ENGASE: variants seen among roughly 807,000 people sequenced by gnomAD.
ENGASE encodes cytosolic endo-beta-N-acetylglucosaminidase.
In ENGASE, 69 loss-of-function variants were observed where a neutral mutation model predicts 78.5. The observed-to-expected ratio is 0.88, with a 90% CI of 0.72 to 1.07. The LOEUF is 1.07. Ranked by LOEUF, ENGASE falls within the 50% of genes least tolerant of loss-of-function variation. ENGASE has a pLI of 0.00. For missense variants in ENGASE, 943 were observed against 988.4 expected, an observed-to-expected ratio of 0.95 and a Z score of 0.62; for synonymous variants, 408 against 408.9, an observed-to-expected ratio of 1.00 and a Z score of 0.03.
At position 79,083,972 on chromosome 17, in the gene ENGASE, G is replaced by T; in HGVS notation, c.1442+21G>T. The T allele has an allele frequency of 6.2e-7, 1 of 1,601,714 alleles. No homozygotes were observed. On this transcript the variant is annotated intron_variant, in intron 10 of 13. Transcript: ENST00000579016. This position sits in a 1 kb window ranked among gnomAD's most constrained non-coding sequence, Gnocchi z 4.9. The stretch of plus-strand genomic sequence containing the variant: ...GTGAGGTGGGTGAGTGACGGAGGAC[G>T]GTGGGCCCACCAGCTTCTCCCATCA...
Position 79,080,985 on chromosome 17 carries a change from C to G in ENGASE, c.784C>G (p.Gln262Glu). The change falls in exon 6 of 14, where the codon CAG (glutamine) becomes GAG (glutamate). Residue 262 changes from glutamine to glutamate, a missense_variant. Gln to Glu is a conservative substitution (Grantham distance 29). Transcript: ENST00000579016. ...LRYLTTQLHR[Q>E]VPGGLVLWYD... is the part of the protein sequence containing the mutation. The stretch of plus-strand genomic sequence containing the variant: ...GTACCTCACCACACAGCTGCACCGG[C>G]AGGTCCCAGGGGGCCTGGTGCTCTG... 1 of 1,613,328 alleles carries G rather than the reference C, an allele frequency of 6.2e-7. No individual in the cohort carries two copies. The highest frequency in any genetic ancestry group is 8.5e-7 in the Non-Finnish European group (1 of 1,179,982).
At chr17:79,076,767 A>G (rs1038033054) in intron 1 of ENGASE, among the ~76,000 whole-genome samples, 1 of 152,120 alleles carries the variant, frequency 6.6e-6, no homozygotes, top group African/African-American at 2.4e-5. Context: ...TGCTTTGGGT[A>G]TTTGGATATT....
rs913362837 is a variant in ENGASE at position 79,081,155 on chromosome 17, G to A, written c.872+82G>A. The A allele has an allele frequency of 3.6e-5, 48 of 1,343,494 alleles. 1 individual carries two copies. Among genetic ancestry groups the A allele is most frequent in the South Asian group, 2.2e-4 (16 of 71,118 alleles). The allele number at this position is 1,343,494 out of a possible 1,614,324, so 83.2% of individuals were successfully genotyped here. On this transcript the variant is annotated intron_variant, in intron 6 of 13. Transcript: ENST00000579016. ...GTGAGGGGTGGGTGCCGCAAGGGGC[G>A]GGCGCAGTCTCCCTCATGGAGGTGA... is the stretch of plus-strand genomic sequence containing the variant.
Position 79,081,898 on chromosome 17 carries a change from G to A in ENGASE, c.873G>A (p.Arg291=). The change falls in exon 7 of 14, where the codon AGG becomes AGA. Residue 291 remains arginine (R), a splice_region_variant and synonymous_variant. Coordinates refer to ENST00000579016, the MANE Select transcript of ENGASE (RefSeq NM_001042573.3). ...KWQDELNQHN[R]VFFDSCDGFF... is the part of the protein sequence containing the mutation. ...ACAGCAGGTCCTTGTTGCTTCTCAG[G>A]GTCTTCTTTGATTCCTGCGACGGCT... The A allele has an allele frequency of 6.2e-7, 1 of 1,609,712 alleles. No homozygotes were observed. The highest frequency in any genetic ancestry group is 1.3e-5 in the African/African-American group (1 of 74,816).
In ENGASE at chr17:79,083,981, A is replaced by C. The variant is rs751608571; in HGVS notation, c.1442+30A>C. On this transcript the variant is annotated intron_variant, in intron 10 of 13. Coordinates refer to ENST00000579016, the MANE Select transcript of ENGASE (RefSeq NM_001042573.3). This position sits in a 1 kb window ranked among gnomAD's most constrained non-coding sequence, Gnocchi z 4.9. Reference sequence around the variant, plus strand: ...GTGAGTGACGGAGGACGGTGGGCCCACCAGCTTCTCCCATCACACGTGGTG... The same window carrying C: ...GTGAGTGACGGAGGACGGTGGGCCCCCCAGCTTCTCCCATCACACGTGGTG... 4 of 1,591,438 alleles carry C rather than the reference A, an allele frequency of 2.5e-6. No homozygotes were observed. In the South Asian group the frequency reaches 4.5e-5, roughly 18 times the overall value.
chr17:79,075,162 C>T, intron 1 of ENGASE, 72 bp downstream of exon 1: 1 of 1,191,524 alleles, frequency 8.4e-7, no homozygotes, highest in Non-Finnish European at 1.0e-6. Context: ...CCCGAGGTTT[C>T]CCGGCACGGG....
intron 13 of ENGASE, 83 bp downstream of exon 13, chr17:79,085,817 T>C: frequency 6.2e-7 from 1 of 1,600,026 alleles, no homozygotes; most frequent in Non-Finnish European, 8.5e-7. Context: ...GGCCGCCCCC[T>C]TCTTGGGTTC....
Position 79,077,784 on chromosome 17 carries a change from G to T in ENGASE, c.336G>T (p.Ala112=), listed in dbSNP as rs368771548. 5.6e-6 allele frequency: 9 copies of T among 1,614,002 alleles called. No individual in the cohort carries two copies. Among genetic ancestry groups the T allele is most frequent in the East Asian group, 2.2e-5 (1 of 44,900 alleles). Residue 112 remains alanine (A), a synonymous_variant, in exon 3 of 14, where the codon GCG becomes GCT. Transcript: ENST00000579016. The part of the protein sequence containing the change: ...DGFNVALEPL[A]CRQPPLSSQR... The stretch of plus-strand genomic sequence containing the variant: ...TTAATGTGGCCCTGGAGCCCCTGGC[G>T]TGTCGCCAGCCCCCTCTGAGCAGCC...
intron 6 of ENGASE, 130 bp downstream of exon 6, chr17:79,081,203 A>T: frequency 2.4e-6 from 3 of 1,227,582 alleles, no homozygotes; most frequent in Non-Finnish European, 1.1e-6. Context: ...TGCATTGGGT[A>T]AAAAGAGGGA....
Position 79,074,843 on chromosome 17 carries a change from C to G in ENGASE, c.-102C>G. The stretch of plus-strand genomic sequence containing the variant: ...CTGGCCGGGAGTCAGCTCGGAGTCC[C>G]GTCCCAGCGCGGCGTCAGCGCTGCG... On this transcript the variant is annotated 5_prime_UTR_variant, in exon 1 of 14. Coordinates refer to ENST00000579016, the MANE Select transcript of ENGASE (RefSeq NM_001042573.3). The G allele has an allele frequency of 3.3e-6, 4 of 1,203,486 alleles. No individual in the cohort carries two copies. The highest frequency in any genetic ancestry group is 3.1e-6 in the Non-Finnish European group (3 of 968,810). 74.6% of individuals were successfully genotyped at this position (1,203,486 alleles called of 1,614,324 possible). A position where few individuals can be genotyped will look rare whatever the true frequency, so the allele number is the denominator to read the frequency against.
chr17:79,082,168 C>T, intron 7 of ENGASE, 105 bp downstream of exon 7: 1 of 1,597,562 alleles, frequency 6.3e-7, no homozygotes. Context: ...GGAATGACAG[C>T]AGCTGTTCTT....
In ENGASE at chr17:79,082,003, C is replaced by G; in HGVS notation, c.978C>G (p.Tyr326Ter). 1.2e-6 allele frequency: 2 copies of G among 1,614,196 alleles called. No individual in the cohort carries two copies. The highest frequency in any genetic ancestry group is 2.2e-5 in the South Asian group (2 of 91,088). ...GQAGERRADV[Y>*]VGVDVFARGN... is the part of the protein sequence containing the mutation. Reference sequence around the variant, plus strand: ...CTGGGGAGCGCCGGGCTGATGTGTACGTGGGCGTGGATGTGTTTGCTCGAG... The same window carrying G: ...CTGGGGAGCGCCGGGCTGATGTGTAGGTGGGCGTGGATGTGTTTGCTCGAG... The change falls in exon 7 of 14, where the codon TAC becomes TAG. Residue 326 changes from tyrosine (Y) to a stop codon, truncating the protein, a stop_gained. Coordinates refer to ENST00000579016, the MANE Select transcript of ENGASE (RefSeq NM_001042573.3). LOFTEE classifies it high-confidence loss of function.
At chr17:79,081,295 A>G (rs1159469942) in intron 6 of ENGASE, among the ~76,000 whole-genome samples, 4 of 152,208 alleles carry the variant, frequency 2.6e-5, no homozygotes, top group Non-Finnish European at 4.4e-5. Flanking sequence ...GAGGTCAGGA[A>G]GTTGAGACCA....
At chr17:79,080,582 G>A (rs758256706) in intron 5 of ENGASE, among the ~76,000 whole-genome samples, 14 of 152,192 alleles carry the variant, frequency 9.2e-5, no homozygotes, top group Non-Finnish European at 1.8e-4. Context: ...GTGCTTGGCC[G>A]GCTCCCACGT....
rs770664186 is a variant in ENGASE, at chr17:79,081,951, A to C, written c.926A>C (p.Glu309Ala). 6 of 1,613,984 alleles carry C rather than the reference A, an allele frequency of 3.7e-6. No individual in the cohort carries two copies. In the Admixed American group the frequency reaches 6.7e-5, roughly 18 times the overall value. The change falls in exon 7 of 14, where the codon GAG becomes GCG. Residue 309 changes from glutamate to alanine, a missense_variant. Coordinates refer to ENST00000579016, the MANE Select transcript of ENGASE (RefSeq NM_001042573.3). Reference protein sequence around the residue: ...GFFTNYNWREEHLERMLGQAG... With the variant: ...GFFTNYNWREAHLERMLGQAG... ...TTCACTAACTATAACTGGCGGGAGG[A>C]GCACTTGGAGCGGATGCTGGGGCAG...
In ENGASE at chr17:79,083,253, G is replaced by T; in HGVS notation, c.1142+130G>T. ...GGGGGTGGTTAAGGGAGGATGACAG[G>T]GGAGGAAGCCAGCACCCTGGCTGCT... On this transcript the variant is annotated intron_variant, in intron 8 of 13. Coordinates refer to ENST00000579016, the MANE Select transcript of ENGASE (RefSeq NM_001042573.3). The surrounding 1 kb of genome is among the most constrained non-coding windows in gnomAD (Gnocchi z 4.9). 2.5e-6 allele frequency: 2 copies of T among 801,546 alleles called. No individual in the cohort carries two copies. The highest frequency in any genetic ancestry group is 2.0e-6 in the Non-Finnish European group (1 of 504,734). 49.7% of individuals were successfully genotyped at this position (801,546 alleles called of 1,614,324 possible). A position where few individuals can be genotyped will look rare whatever the true frequency, so the allele number is the denominator to read the frequency against.
At chr17:79,082,258 C>T (rs889428801) in intron 7 of ENGASE, 195 bp downstream of exon 7, 47 of 1,527,730 alleles carry the variant, frequency 3.1e-5, no homozygotes, top group African/African-American at 6.9e-5. Flanking sequence ...ACCCCTTTCC[C>T]GGCTATTTCT....
chr17:79,086,181 G>A lies in ENGASE; in HGVS notation c.2064G>A (p.Gly688=), dbSNP rs1259795280. The change falls in exon 14 of 14, where the codon GGG becomes GGA. Residue 688 remains glycine (G), a synonymous_variant. Coordinates refer to ENST00000579016, the MANE Select transcript of ENGASE (RefSeq NM_001042573.3). ...GGCCAGAGATGCCCATGTTCCTGGG[G>A]TTGGCTTTTGCCACCCAGTACCGGA... ...LPRPEMPMFL[G]LAFATQYRIV... The A allele has an allele frequency of 1.9e-6, 3 of 1,613,742 alleles. No homozygotes were observed. Among genetic ancestry groups the A allele is most frequent in the East Asian group, 2.2e-5 (1 of 44,874 alleles).
chr17:79,075,646 G>A (rs1375260855), intron 1 of ENGASE: 1 of 975,734 alleles, frequency 1.0e-6, no homozygotes, highest in South Asian at 4.7e-5. Context: ...CCTTCCTTTG[G>A]GGGGCACTTG....
Sources: gnomAD v4.1 joint callset for allele counts (sites outside exome capture counted in the v4.1 genomes callset) on GRCh38, gnomAD v4.1.1 for gene constraint, Gnocchi (gnomAD v3.1) non-coding constraint, MANE v1.5 for transcripts, NCBI Gene and HGNC (gene_info 2026-07-23, HGNC 2026-07-21) for gene names.